Variants in CMSS1 observed in about 807,000 individuals in gnomAD.
The protein encoded by CMSS1 is cms1 ribosomal small subunit homolog.
CMSS1 carries 33 observed loss-of-function variants against 43.5 expected under a neutral mutation model. The observed-to-expected ratio is 0.76, with a 90% CI of 0.57 to 1.01. The LOEUF is 1.01. CMSS1 is among the 50% of genes least tolerant of loss of function. CMSS1 has a pLI of 0.00. For synonymous variants in CMSS1, 115 were observed against 117.2 expected, an observed-to-expected ratio of 0.98 and a Z score of 0.12; for missense variants, 313 against 326.4, an observed-to-expected ratio of 0.96 and a Z score of 0.32.
chr3:99,986,391 A>G (rs1334234958), intron 1 of CMSS1, among the ~76,000 whole-genome samples: 1 of 152,222 alleles, frequency 6.6e-6, no homozygotes, highest in African/African-American at 2.4e-5. Context: ...GGGGTTTTGC[A>G]TATTTTTTAA....
At chr3:99,922,638 C>A (rs1258624377) in intron 1 of CMSS1, among the ~76,000 whole-genome samples, 9 of 152,104 alleles carry the variant, frequency 5.9e-5, no homozygotes, top group Admixed American at 5.9e-4. Context: ...TTGAATAAGC[C>A]ATTTGAGATT....
At chr3:99,821,993 C>T (rs1230970010) in intron 1 of CMSS1, among the ~76,000 whole-genome samples, 3 of 152,032 alleles carry the variant, frequency 2.0e-5, no homozygotes, top group Non-Finnish European at 2.9e-5. Flanking sequence ...TTGCGACGAG[C>T]CAAGATCGCA....
chr3:99,942,248 G>A (rs1447263717), intron 1 of CMSS1, among the ~76,000 whole-genome samples: 2 of 151,764 alleles, frequency 1.3e-5, no homozygotes, highest in East Asian at 3.9e-4. Context: ...ATGTGTTAAT[G>A]GCATTGTGTT....
At chr3:99,842,331 G>A (rs1218904646) in intron 1 of CMSS1, among the ~76,000 whole-genome samples, 1 of 152,136 alleles carries the variant, frequency 6.6e-6, no homozygotes, top group Non-Finnish European at 1.5e-5. Context: ...GGGGACTCAG[G>A]GGAAAGAGTG....
intron 6 of CMSS1, 49 bp from the exon 7 acceptor site, chr3:100,171,790 C>A: frequency 6.8e-7 from 1 of 1,478,468 alleles, no homozygotes. Context: ...GTCATCGTGG[C>A]CTAGAATGAG....
chr3:99,946,069 G>T (rs938616117), intron 1 of CMSS1, among the ~76,000 whole-genome samples: 2 of 152,164 alleles, frequency 1.3e-5, no homozygotes, highest in African/African-American at 4.8e-5. Flanking sequence ...TATGGTCTTG[G>T]TTCATCAGAT....
At chr3:100,130,198 A>G (rs144941942) in intron 1 of CMSS1, among the ~76,000 whole-genome samples, 4 of 152,170 alleles carry the variant, frequency 2.6e-5, no homozygotes, top group Non-Finnish European at 5.9e-5. Flanking sequence ...TTTATAGATA[A>G]CCCTGAACAG....
intron 1 of CMSS1, among the ~76,000 whole-genome samples, chr3:99,963,709 C>T (rs567228513): frequency 1.1e-4 from 17 of 152,048 alleles, no homozygotes; most frequent in African/African-American, 4.1e-4. Flanking sequence ...CTCCAGGGTC[C>T]TGGTTCGAGC....
intron 1 of CMSS1, among the ~76,000 whole-genome samples, chr3:99,986,659 G>C (rs542982310): frequency 3.8e-4 from 58 of 152,300 alleles, no homozygotes; most frequent in African/African-American, 1.3e-3. Context: ...ATGAAGTGGT[G>C]ATGGGTGTGG....
intron 1 of CMSS1, among the ~76,000 whole-genome samples, chr3:100,021,282 C>A (rs1705197953): frequency 2.0e-5 from 3 of 152,186 alleles, no homozygotes. Context: ...ATAATAAGTT[C>A]ATTCTTCTTT....
At chr3:100,141,104 A>C (rs2066800969) in intron 1 of CMSS1, among the ~76,000 whole-genome samples, 1 of 152,062 alleles carries the variant, frequency 6.6e-6, no homozygotes. Flanking sequence ...CTACATTCCA[A>C]ACCTGGTTCC....
At chr3:99,876,181 GC>G (rs1311907683) in intron 1 of CMSS1, 23 of 985,368 alleles carry the variant, frequency 2.3e-5, no homozygotes, top group Non-Finnish European at 2.5e-5. Flanking sequence ...TGCGAGCGGG[GC>G]GCTGAGCGCG....
At position 99,957,693 on chromosome 3, in the gene CMSS1, CTTTTTTTTTTTTTTTT is replaced by C. The variant is rs779350496; in HGVS notation, c.64+139663_64+139678del. ...TTCTCCTTTTCTCTTTTCTTTCTTT[CTTTTTTTTTTTTTTTT>C]TTTTTTTTTTTTGGTGTGTGTGTTT... is the stretch of plus-strand genomic sequence containing the variant. On this transcript the variant is annotated intron_variant, in intron 1 of 9. Coordinates refer to ENST00000421999, the MANE Select transcript of CMSS1 (RefSeq NM_032359.4). 6.5e-4 allele frequency among the ~76,000 whole-genome samples: 13 copies of C among 19,906 alleles called. 1 individual carries two copies. In the East Asian group the frequency reaches 8.8e-3, roughly 13 times the overall value. The allele number at this position is 19,906 out of a possible 152,430, so 13.1% of individuals were successfully genotyped here. A position where few individuals can be genotyped will look rare whatever the true frequency, so the allele number is the denominator to read the frequency against.
At chr3:100,135,447 T>TGC (rs1225242761) in intron 1 of CMSS1, among the ~76,000 whole-genome samples, 8 of 116,992 alleles carry the variant, frequency 6.8e-5, no homozygotes, top group African/African-American at 2.8e-4. Flanking sequence ...CATGTGTGTG[T>TGC]GTGTGTGTGT....
intron 1 of CMSS1, among the ~76,000 whole-genome samples, chr3:99,856,264 T>C (rs1212441176): frequency 6.6e-6 from 1 of 152,176 alleles, no homozygotes; most frequent in Non-Finnish European, 1.5e-5. Flanking sequence ...GTTTTGAAAG[T>C]GTTGTTGGAA....
intron 1 of CMSS1, among the ~76,000 whole-genome samples, chr3:100,095,043 G>A (rs2066180635): frequency 6.6e-6 from 1 of 152,138 alleles, no homozygotes; most frequent in Admixed American, 6.5e-5. Flanking sequence ...AAACCAGGCA[G>A]GCATATTTGC....
At chr3:99,879,777 C>CA (rs1424284489) in intron 1 of CMSS1, among the ~76,000 whole-genome samples, 1 of 152,112 alleles carries the variant, frequency 6.6e-6, no homozygotes, top group Non-Finnish European at 1.5e-5. Flanking sequence ...TATATGGAAA[C>CA]ACTGTCATGT....
At chr3:100,176,105 T>G in intron 8 of CMSS1, 1 of 404,830 alleles carries the variant, frequency 2.5e-6, no homozygotes, top group Non-Finnish European at 4.4e-6. Flanking sequence ...GAGCAGTTTC[T>G]CTGCTTTCCT....
rs554576818 is a variant in CMSS1, at chr3:100,117,745, AT to A, written c.65-29227del. Among the ~76,000 whole-genome samples the A allele has an allele frequency of 3.9e-3, 580 of 148,848 alleles. 4 individuals carry two copies. Among genetic ancestry groups the A allele is most frequent in the African/African-American group, 0.013 (538 of 40,496 alleles). ...ACTTTGGATAAATTGGGTAAAACAG[AT>A]ACACTTTTTTTTTTTACCATCACAA... On this transcript the variant is annotated intron_variant, in intron 1 of 9. Transcript: ENST00000421999.
Sources: gnomAD v4.1 joint callset for allele counts (sites outside exome capture counted in the v4.1 genomes callset) on GRCh38, gnomAD v4.1.1 for gene constraint, MANE v1.5 for transcripts, NCBI Gene and HGNC (gene_info 2026-07-23, HGNC 2026-07-21) for gene names.